The following CTIF variants were observed in gnomAD, a reference collection of about 807,000 sequenced individuals.
CTIF encodes the protein cap binding complex dependent translation initiation factor, also known as CBP80/20-dependent translation initiation factor.
Under a neutral mutation model 66.0 loss-of-function variants are expected in CTIF, and 21 were observed. The ratio of observed to expected loss-of-function variants is 0.32; its 90% confidence interval spans 0.23 to 0.46. The LOEUF (loss-of-function observed/expected upper bound fraction) is 0.46. CTIF is among the 20% of genes least tolerant of loss of function. The probability of loss-of-function intolerance (pLI) is 1.00; values close to 1 mark genes in which losing one functional copy is unlikely to be tolerated. For missense variants in CTIF, 739 were observed against 812.7 expected (o/e 0.91, Z 1.10); for synonymous variants, 345 against 326.4 (o/e 1.06, Z -0.62).
chr18:48,615,629 T>C (rs545931700), intron 1 of CTIF, among the ~76,000 whole-genome samples: 2 of 152,302 alleles, frequency 1.3e-5, no homozygotes, highest in South Asian at 2.1e-4. Context: ...TGCCTGGAAT[T>C]GTCTGAGACA....
chr18:48,629,962 C>T (rs1023167539), intron 2 of CTIF, among the ~76,000 whole-genome samples: 1 of 152,190 alleles, frequency 6.6e-6, no homozygotes, highest in Admixed American at 6.5e-5. Flanking sequence ...GCAGGCTCCC[C>T]TTATCCACTG....
intron 7 of CTIF, among the ~76,000 whole-genome samples, chr18:48,743,543 T>A (rs1003395003): frequency 3.3e-5 from 5 of 152,244 alleles, no homozygotes; most frequent in Non-Finnish European, 7.3e-5. Flanking sequence ...AATGGTAATA[T>A]GTCATTTTGA....
At chr18:48,846,452 T>C (rs1453047543) in intron 10 of CTIF, among the ~76,000 whole-genome samples, 3 of 152,126 alleles carry the variant, frequency 2.0e-5, no homozygotes, top group Non-Finnish European at 4.4e-5. Context: ...AGTGGATGGA[T>C]GGATGGATAG....
At chr18:48,696,158 G>GGTGAAGCTTAGGGC (rs1426514246) in intron 6 of CTIF, among the ~76,000 whole-genome samples, 1 of 152,256 alleles carries the variant, frequency 6.6e-6, no homozygotes, top group East Asian at 1.9e-4. Context: ...CAATTCTGGA[G>GGTGAAGCTTAGGGC]GTGAAGCTTA....
intron 7 of CTIF, among the ~76,000 whole-genome samples, chr18:48,734,045 A>G (rs1217635837): frequency 6.6e-6 from 1 of 152,256 alleles, no homozygotes; most frequent in Non-Finnish European, 1.5e-5. Flanking sequence ...TGGCAATGCC[A>G]TGAGGGACGC....
At chr18:48,553,025 G>C (rs2088922191) in intron 1 of CTIF, among the ~76,000 whole-genome samples, 1 of 152,190 alleles carries the variant, frequency 6.6e-6, no homozygotes, top group South Asian at 2.1e-4. Context: ...TTAGGAGGGA[G>C]AATCCCTGAG....
chr18:48,732,281 C>T (rs991700104), intron 7 of CTIF, among the ~76,000 whole-genome samples: 28 of 152,148 alleles, frequency 1.8e-4, no homozygotes, highest in African/African-American at 6.5e-4. Context: ...CCAGGAGTAG[C>T]CAGTGATGCC....
At chr18:48,742,111 A>G (rs1024068377) in intron 7 of CTIF, among the ~76,000 whole-genome samples, 2 of 152,202 alleles carry the variant, frequency 1.3e-5, no homozygotes, top group African/African-American at 2.4e-5. Flanking sequence ...ACAAGGAGAC[A>G]TTTACTCTCA....
At chr18:48,858,526 G>A (rs2069381785) in intron 11 of CTIF, among the ~76,000 whole-genome samples, 1 of 152,216 alleles carries the variant, frequency 6.6e-6, no homozygotes, top group Non-Finnish European at 1.5e-5. Context: ...AGTCAGGGGA[G>A]AGAGGTCAGG....
chr18:48,573,812 C>T (rs73441470), intron 1 of CTIF, among the ~76,000 whole-genome samples: 12,547 of 152,212 alleles, frequency 0.082, 697 homozygotes, highest in African/African-American at 0.14. Flanking sequence ...TGTGCGGGGA[C>T]GGGAAGGCAG....
intron 2 of CTIF, among the ~76,000 whole-genome samples, chr18:48,622,005 T>C (rs1042508442): frequency 6.6e-6 from 1 of 152,192 alleles, no homozygotes; most frequent in Non-Finnish European, 1.5e-5. Flanking sequence ...AGCTGTGGTT[T>C]CTCTCCAGCG....
At chr18:48,698,930 C>T (rs2092045292) in intron 6 of CTIF, among the ~76,000 whole-genome samples, 1 of 152,126 alleles carries the variant, frequency 6.6e-6, no homozygotes, top group Non-Finnish European at 1.5e-5. Flanking sequence ...CCGCTGGCAC[C>T]ACATAAGCCT....
intron 3 of CTIF, among the ~76,000 whole-genome samples, chr18:48,658,327 T>A (rs1369008717): frequency 2.6e-5 from 4 of 151,948 alleles, no homozygotes; most frequent in African/African-American, 9.7e-5. Flanking sequence ...GTATGTGTGG[T>A]GTATATAATA....
At chr18:48,644,737 G>A (rs1489738126) in intron 3 of CTIF, among the ~76,000 whole-genome samples, 1 of 152,222 alleles carries the variant, frequency 6.6e-6, no homozygotes, top group Non-Finnish European at 1.5e-5. Context: ...TGGAGGAGAT[G>A]GCAGCATGTG....
chr18:48,670,730 C>T lies in CTIF; in HGVS notation c.493C>T (p.Leu165Phe). ...CAACCTGAATGACATCGAGAAGGTC[C>T]TTCCAGCCTGGCAGGTAGGTGCAGG... is the stretch of plus-strand genomic sequence containing the variant. The part of the protein sequence containing the change: ...GINLNDIEKV[L>F]PAWQGYHPMP... Residue 165 changes from leucine to phenylalanine, a missense_variant, in exon 6 of 12, where the codon CTT (leucine) becomes TTT (phenylalanine). This residue lies in a region of CTIF where 529 missense variants were observed against 520.3 expected (regional missense o/e 1.02). Coordinates refer to ENST00000256413, the MANE Select transcript of CTIF (RefSeq NM_014772.3). The T allele has an allele frequency of 6.2e-7, 1 of 1,614,072 alleles. No individual in the cohort carries two copies. Among genetic ancestry groups the T allele is most frequent in the Non-Finnish European group, 8.5e-7 (1 of 1,179,926 alleles).
chr18:48,589,265 G>A (rs762033506), intron 1 of CTIF, among the ~76,000 whole-genome samples: 30 of 152,154 alleles, frequency 2.0e-4, no homozygotes, highest in Admixed American at 9.2e-4. Context: ...TCTGAGGGCC[G>A]TCAGGGGGAG....
At chr18:48,701,821 G>C (rs371076609) in intron 6 of CTIF, among the ~76,000 whole-genome samples, 5 of 152,176 alleles carry the variant, frequency 3.3e-5, no homozygotes, top group African/African-American at 1.2e-4. Flanking sequence ...TACCCGTGGA[G>C]GGCAATAAGG....
chr18:48,697,186 T>C (rs1253144424), intron 6 of CTIF, among the ~76,000 whole-genome samples: 1 of 152,194 alleles, frequency 6.6e-6, no homozygotes, highest in Non-Finnish European at 1.5e-5. Flanking sequence ...ATCTTAACTT[T>C]TTATACAACA....
intron 6 of CTIF, among the ~76,000 whole-genome samples, chr18:48,707,450 T>TG (rs1440794494): frequency 5.3e-5 from 8 of 152,272 alleles, no homozygotes; most frequent in African/African-American, 1.9e-4. Flanking sequence ...TAACAGATAA[T>TG]GTTTTAGGGC....
Sources: allele counts gnomAD v4.1 joint callset (sites outside exome capture counted in the v4.1 genomes callset), GRCh38; gene constraint gnomAD v4.1.1; regional missense constraint gnomAD v4.1.1; transcripts MANE v1.5; gene names NCBI Gene and HGNC (gene_info 2026-07-23, HGNC 2026-07-21).